Variants in LTBP1 observed in about 807,000 individuals in gnomAD.
LTBP1 encodes latent-transforming growth factor beta-binding protein 1.
In LTBP1, 129 loss-of-function variants were observed where a neutral mutation model predicts 207.6. The ratio of observed to expected loss-of-function variants is 0.62; its 90% CI spans 0.54 to 0.72. The LOEUF is 0.72. Among genes scored for constraint, LTBP1 ranks in the 30% least tolerant of loss-of-function variants. The pLI, the probability that LTBP1 is intolerant of heterozygous loss-of-function variation, is 0.00. For synonymous variants in LTBP1, 963 were observed against 833.7 expected, an observed-to-expected ratio of 1.16 and a Z score of -2.67; for missense variants, 2,281 against 2,217.2, an observed-to-expected ratio of 1.03 and a Z score of -0.58.
intron 2 of LTBP1, among the ~76,000 whole-genome samples, chr2:32,968,895 T>A (rs1335047648): frequency 6.7e-6 from 1 of 150,356 alleles, no homozygotes; most frequent in Non-Finnish European, 1.5e-5. Context: ...GGCTGATTTT[T>A]TTCTTTAGTG....
chr2:33,202,440 C>G (rs2089413993), intron 7 of LTBP1, among the ~76,000 whole-genome samples: 1 of 152,162 alleles, frequency 6.6e-6, no homozygotes, highest in Non-Finnish European at 1.5e-5. Flanking sequence ...ACATTGAGTT[C>G]TGCTCAGAAA....
chr2:33,207,301 C>G lies in LTBP1; in HGVS notation c.1702-10251C>G, dbSNP rs373598235. Reference sequence around the variant, plus strand: ...AGTAGTTGTCTGGAATTCCTTGAAGCCCATGGTTTGGCTTCAGCAGGTTTT... The same window carrying G: ...AGTAGTTGTCTGGAATTCCTTGAAGGCCATGGTTTGGCTTCAGCAGGTTTT... On this transcript the variant is annotated intron_variant, in intron 7 of 33. Transcript: ENST00000404816. Among the ~76,000 whole-genome samples, 36 of 152,212 alleles carry G rather than the reference C, an allele frequency of 2.4e-4. No individual in the cohort carries two copies. In the South Asian group the frequency reaches 7.5e-3, roughly 32 times the overall value.
rs1165426224 is a variant in LTBP1, at chr2:33,134,462, C to A, written c.1034-331C>A. The A allele has an allele frequency of 2.0e-6, 2 of 986,590 alleles. No individual in the cohort carries two copies. The highest frequency in any genetic ancestry group is 1.4e-5 in the South Asian group (1 of 73,784). 61.1% of individuals were successfully genotyped at this position (986,590 alleles called of 1,614,324 possible). A position where few individuals can be genotyped will look rare whatever the true frequency, so the allele number is the denominator to read the frequency against. The stretch of plus-strand genomic sequence containing the variant: ...TTGGCTCTTTAATCTGTCGTGCCCT[C>A]GGTATTGCTCTTTGTCTGCCCGTGA... On this transcript the variant is annotated intron_variant, in intron 4 of 33. Coordinates refer to ENST00000404816, the MANE Select transcript of LTBP1 (RefSeq NM_206943.4). This position sits in a 1 kb window ranked among gnomAD's most constrained non-coding sequence, Gnocchi z 4.4.
intron 8 of LTBP1, among the ~76,000 whole-genome samples, chr2:33,221,126 ATAGAAGAATTCCTTAC>A (rs1558837671): frequency 6.6e-6 from 1 of 152,150 alleles, no homozygotes; most frequent in African/African-American, 2.4e-5. Flanking sequence ...TAGCCTCTTA[ATAGAAGAATTCCTTAC>A]TGCAGGACAT....
chr2:32,982,427 A>G (rs1159193649), intron 2 of LTBP1, among the ~76,000 whole-genome samples: 1 of 152,130 alleles, frequency 6.6e-6, no homozygotes, highest in Non-Finnish European at 1.5e-5. Context: ...CTGGGGAGAA[A>G]CTCAAGCCTG....
At chr2:33,299,792 A>AT (rs2093948746) in intron 20 of LTBP1, among the ~76,000 whole-genome samples, 1 of 152,186 alleles carries the variant, frequency 6.6e-6, no homozygotes, top group Admixed American at 6.5e-5. Context: ...TATACATGAC[A>AT]TTTTCTAGGA....
At chr2:33,145,257 G>T (rs528086211) in intron 5 of LTBP1, among the ~76,000 whole-genome samples, 3 of 151,524 alleles carry the variant, frequency 2.0e-5, no homozygotes, top group Non-Finnish European at 1.5e-5. Flanking sequence ...CTAAGATTTG[G>T]TTGGGGAGAA....
At chr2:33,225,065 G>T (rs1316571310) in intron 9 of LTBP1, among the ~76,000 whole-genome samples, 1 of 152,048 alleles carries the variant, frequency 6.6e-6, no homozygotes, top group African/African-American at 2.4e-5. Flanking sequence ...GACTTTAACT[G>T]TGTCCCTTAA....
intron 23 of LTBP1, among the ~76,000 whole-genome samples, chr2:33,311,934 A>G (rs1396052330): frequency 6.6e-6 from 1 of 152,228 alleles, no homozygotes. Flanking sequence ...TGTCTGAAAA[A>G]TGTAAATCCA....
intron 2 of LTBP1, among the ~76,000 whole-genome samples, chr2:32,980,038 T>G (rs1682512787): frequency 6.6e-6 from 1 of 152,154 alleles, no homozygotes; most frequent in African/African-American, 2.4e-5. Context: ...TTTTTCCATC[T>G]CTTTATTTTC....
At position 33,338,641 on chromosome 2, in the gene LTBP1, A is replaced by G. The variant is rs115222274; in HGVS notation, c.3731-4197A>G. ...GGAGTAGTTAAAGGAGGTGCTGCAG[A>G]GGAGGTGTCTCTTGGGCTGACTCCT... On this transcript the variant is annotated intron_variant, in intron 24 of 33. Coordinates refer to ENST00000404816, the MANE Select transcript of LTBP1 (RefSeq NM_206943.4). Among the ~76,000 whole-genome samples, 529 of 152,240 alleles carry G rather than the reference A, an allele frequency of 3.5e-3. 2 individuals are homozygous for G. Among genetic ancestry groups the G allele is most frequent in the African/African-American group, 0.012 (508 of 41,564 alleles).
At chr2:33,141,153 G>A (rs983288278) in intron 5 of LTBP1, among the ~76,000 whole-genome samples, 2 of 152,204 alleles carry the variant, frequency 1.3e-5, no homozygotes, top group African/African-American at 4.8e-5. Context: ...CTACAACGTG[G>A]ATGAACCTCA....
intron 7 of LTBP1, among the ~76,000 whole-genome samples, chr2:33,212,694 A>G (rs1352106191): frequency 2.6e-5 from 4 of 152,202 alleles, no homozygotes; most frequent in African/African-American, 7.2e-5. Context: ...CACTCTTTCT[A>G]TGATTTGTAG....
intron 31 of LTBP1, among the ~76,000 whole-genome samples, chr2:33,384,455 T>C (rs180864009): frequency 1.1e-3 from 172 of 152,306 alleles, no homozygotes; most frequent in African/African-American, 4.0e-3. Flanking sequence ...CACATTGGTA[T>C]TTGGCTAGAT....
intron 18 of LTBP1, among the ~76,000 whole-genome samples, chr2:33,279,183 A>G (rs1219792428): frequency 6.6e-6 from 1 of 152,224 alleles, no homozygotes; most frequent in East Asian, 1.9e-4. Flanking sequence ...CCACCTCAGA[A>G]AAAACACTTA....
At chr2:33,279,475 G>T (rs755783148) in intron 18 of LTBP1, among the ~76,000 whole-genome samples, 27 of 151,786 alleles carry the variant, frequency 1.8e-4, no homozygotes, top group Admixed American at 6.6e-4. Flanking sequence ...TTCTGGAAAG[G>T]CTTGGAAGTA....
At chr2:32,957,968 C>G (rs1268374180) in intron 2 of LTBP1, among the ~76,000 whole-genome samples, 4 of 152,160 alleles carry the variant, frequency 2.6e-5, no homozygotes, top group Non-Finnish European at 2.9e-5. Flanking sequence ...GGAAGTGCCA[C>G]TGCTTACTCC....
At chr2:33,042,043 A>G (rs1478510237) in intron 3 of LTBP1, among the ~76,000 whole-genome samples, 1 of 152,188 alleles carries the variant, frequency 6.6e-6, no homozygotes, top group Non-Finnish European at 1.5e-5. Context: ...CCATTCTAAT[A>G]GGTGTATAGT....
chr2:33,219,127 G>C (rs750882633), intron 8 of LTBP1, among the ~76,000 whole-genome samples: 5 of 152,026 alleles, frequency 3.3e-5, no homozygotes, highest in African/African-American at 4.8e-5. Flanking sequence ...TTATTTTGTT[G>C]ATACTACTCA....
Sources: gnomAD v4.1 joint callset for allele counts (sites outside exome capture counted in the v4.1 genomes callset) on GRCh38, gnomAD v4.1.1 for gene constraint, Gnocchi (gnomAD v3.1) non-coding constraint, MANE v1.5 for transcripts, NCBI Gene and HGNC (gene_info 2026-07-23, HGNC 2026-07-21) for gene names.